Variants in MIPOL1 observed in about 807,000 individuals in gnomAD.
The protein encoded by MIPOL1 is mirror-image polydactyly 1.
Under a neutral mutation model 60.9 loss-of-function variants are expected in MIPOL1, and 57 were observed. The observed-to-expected ratio is 0.94, with a 90% CI of 0.76 to 1.17. MIPOL1 has a LOEUF of 1.17. Ranked by LOEUF, MIPOL1 falls within the 50% of genes most tolerant of loss-of-function variation. MIPOL1 has a pLI of 0.00. For synonymous variants in MIPOL1, 179 were observed against 168.8 expected (o/e 1.06, Z -0.47); for missense variants, 551 against 511.6 (o/e 1.08, Z -0.74).
At chr14:37,231,083 G>T (rs889930593) in intron 1 of MIPOL1, among the ~76,000 whole-genome samples, 1 of 151,902 alleles carries the variant, frequency 6.6e-6, no homozygotes, top group Non-Finnish European at 1.5e-5. Flanking sequence ...AAATGTAAAA[G>T]ATTTTATTAG....
chr14:37,441,460 A>C (rs367768742), intron 11 of MIPOL1, among the ~76,000 whole-genome samples: 1 of 151,952 alleles, frequency 6.6e-6, no homozygotes, highest in South Asian at 2.1e-4. Context: ...TGGCAATCCA[A>C]TTTTCCCAGC....
At chr14:37,339,925 A>T (rs1012145966) in intron 9 of MIPOL1, among the ~76,000 whole-genome samples, 1 of 152,186 alleles carries the variant, frequency 6.6e-6, no homozygotes, top group East Asian at 1.9e-4. Context: ...GAGATTTATA[A>T]ATTTGTCAAA....
intron 11 of MIPOL1, among the ~76,000 whole-genome samples, chr14:37,484,980 G>A (rs985199393): frequency 6.6e-6 from 1 of 152,058 alleles, no homozygotes; most frequent in Non-Finnish European, 1.5e-5. Flanking sequence ...TTCTCCTAAT[G>A]CTATCCTCCC....
rs1259479170 is a variant in MIPOL1, at chr14:37,307,981, G to A, written c.624-75G>A. On this transcript the variant is annotated intron_variant, in intron 7 of 12. Transcript: ENST00000684589. ...GAATGAAATTACTTGAGGTTCTAAA[G>A]ATTTAAAAAGCGAACTCATTTTGCT... is the stretch of plus-strand genomic sequence containing the variant. The A allele has an allele frequency of 8.0e-6, 10 of 1,246,328 alleles. No homozygotes were observed. The Admixed American group carries it at 1.2e-4, about 15-fold the overall frequency. 77.2% of individuals were successfully genotyped at this position (1,246,328 alleles called of 1,614,324 possible).
At chr14:37,250,047 A>C (rs902998465) in intron 3 of MIPOL1, among the ~76,000 whole-genome samples, 1 of 152,176 alleles carries the variant, frequency 6.6e-6, no homozygotes, top group African/African-American at 2.4e-5. Flanking sequence ...AAGCTCTGGG[A>C]TACTTATGAA....
chr14:37,370,362 A>G (rs1007561608), intron 10 of MIPOL1, among the ~76,000 whole-genome samples: 56 of 152,296 alleles, frequency 3.7e-4, no homozygotes, highest in African/African-American at 1.3e-3. Flanking sequence ...AGGTGCTTGC[A>G]TTCTCATGCT....
At chr14:37,496,931 A>G (rs539389951) in intron 11 of MIPOL1, among the ~76,000 whole-genome samples, 353 of 151,972 alleles carry the variant, frequency 2.3e-3, no homozygotes, top group Non-Finnish European at 4.3e-3. Flanking sequence ...CCAAAACAGC[A>G]TGGTACTGGT....
intron 12 of MIPOL1, among the ~76,000 whole-genome samples, chr14:37,521,254 A>G (rs1332653771): frequency 6.6e-6 from 1 of 152,038 alleles, no homozygotes; most frequent in African/African-American, 2.4e-5. Flanking sequence ...CTTTTAAAAT[A>G]AAACAATAGA....
intron 11 of MIPOL1, among the ~76,000 whole-genome samples, chr14:37,485,123 T>C (rs2094927838): frequency 6.6e-6 from 1 of 152,180 alleles, no homozygotes; most frequent in Admixed American, 6.5e-5. Context: ...GTTAGTTTGC[T>C]GAGAATGATG....
rs371839691 is a variant in MIPOL1 at position 37,418,690 on chromosome 14, A to G, written c.937-4165A>G. On this transcript the variant is annotated intron_variant, in intron 10 of 12. Coordinates refer to ENST00000684589, the MANE Select transcript of MIPOL1 (RefSeq NM_001388067.1). The stretch of plus-strand genomic sequence containing the variant: ...GAAATTACTTAAGCTTTATGAACCT[A>G]TGTTTTATATCTTGCAAAATAGGGA... Among the ~76,000 whole-genome samples, 65 of 152,206 alleles carry G rather than the reference A, an allele frequency of 4.3e-4. 1 individual carries two copies. In the South Asian group the frequency reaches 0.013, roughly 32 times the overall value.
At chr14:37,272,780 C>T (rs988314355) in intron 6 of MIPOL1, among the ~76,000 whole-genome samples, 9 of 151,328 alleles carry the variant, frequency 5.9e-5, no homozygotes, top group South Asian at 2.1e-4. Context: ...GTTATAAGCA[C>T]GCACACATAC....
intron 9 of MIPOL1, among the ~76,000 whole-genome samples, chr14:37,360,589 T>C (rs923218204): frequency 2.0e-5 from 3 of 152,210 alleles, no homozygotes; most frequent in African/African-American, 7.2e-5. Flanking sequence ...TTCTAGATTT[T>C]CTAGTTTATT....
intron 12 of MIPOL1, among the ~76,000 whole-genome samples, chr14:37,528,230 G>C (rs1414355993): frequency 6.6e-6 from 1 of 151,848 alleles, no homozygotes; most frequent in Admixed American, 6.6e-5. Context: ...ATTATGACCT[G>C]ATTGTTTCAC....
intron 12 of MIPOL1, among the ~76,000 whole-genome samples, chr14:37,517,144 A>T (rs528825070): frequency 6.6e-6 from 1 of 152,326 alleles, no homozygotes; most frequent in South Asian, 2.1e-4. Flanking sequence ...CAGTGTTCTC[A>T]TCTGGAAGAT....
chr14:37,334,800 T>C (rs1180262027), intron 9 of MIPOL1, among the ~76,000 whole-genome samples: 1 of 152,080 alleles, frequency 6.6e-6, no homozygotes, highest in Non-Finnish European at 1.5e-5. Context: ...TCATTTTATA[T>C]AATTTTTTCA....
intron 10 of MIPOL1, among the ~76,000 whole-genome samples, chr14:37,372,741 T>G (rs935623580): frequency 1.5e-4 from 17 of 114,560 alleles, no homozygotes; most frequent in Non-Finnish European, 2.5e-4. Flanking sequence ...GGCAACAGAG[T>G]GAGACTCCGT....
At position 37,218,924 on chromosome 14, in the gene MIPOL1, CAAAAAAAAA is replaced by C. The variant is rs150658949; in HGVS notation, c.-199+20830_-199+20838del. Among the ~76,000 whole-genome samples the C allele has an allele frequency of 6.6e-5, 7 of 106,714 alleles. No homozygotes were observed. The South Asian group carries it at 9.3e-4, about 14-fold the overall frequency. 70.0% of individuals were successfully genotyped at this position (106,714 alleles called of 152,430 possible). ...TGGGCAACAGAGTGAGACCCTATTTCAAAAAAAAAAAAAAAAAAGAAAAAAGAAAACCAG... is the reference window on the plus strand; with the variant it reads ...TGGGCAACAGAGTGAGACCCTATTTCAAAAAAAAAGAAAAAAGAAAACCAG... On this transcript the variant is annotated intron_variant, in intron 1 of 12. Coordinates refer to ENST00000684589, the MANE Select transcript of MIPOL1 (RefSeq NM_001388067.1).
chr14:37,377,114 G>A (rs932832210), intron 10 of MIPOL1, among the ~76,000 whole-genome samples: 1 of 152,032 alleles, frequency 6.6e-6, no homozygotes, highest in African/African-American at 2.4e-5. Flanking sequence ...CCTTCTACCC[G>A]GGAAGGAGTC....
intron 9 of MIPOL1, among the ~76,000 whole-genome samples, chr14:37,327,187 T>C (rs1355407104): frequency 6.6e-6 from 1 of 152,196 alleles, no homozygotes; most frequent in Non-Finnish European, 1.5e-5. Flanking sequence ...TTTAGGGTCT[T>C]GAGGTCAGTA....
Sources: allele counts gnomAD v4.1 joint callset (sites outside exome capture counted in the v4.1 genomes callset), GRCh38; gene constraint gnomAD v4.1.1; transcripts MANE v1.5; gene names NCBI Gene and HGNC (gene_info 2026-07-23, HGNC 2026-07-21).